Variants in STAB2 observed in about 807,000 individuals in gnomAD.
The protein encoded by STAB2 is stabilin-2.
A neutral mutation model predicts 338.1 loss-of-function variants in STAB2; 288 were observed. The observed-to-expected ratio is 0.85, with a 90% CI of 0.77 to 0.94. The LOEUF is 0.94. Among genes scored for constraint, STAB2 ranks in the 40% least tolerant of loss-of-function variants. The pLI, the probability that STAB2 is intolerant of heterozygous loss-of-function variation, is 0.00. For missense variants in STAB2, 3,141 were observed against 3,210.1 expected, an observed-to-expected ratio of 0.98 and a Z score of 0.52; for synonymous variants, 1,202 against 1,193.3, an observed-to-expected ratio of 1.01 and a Z score of -0.15.
At chr12:103,592,130 T>C (rs1284948953) in intron 2 of STAB2, 1 of 152,136 alleles carries the variant, frequency 6.6e-6, no homozygotes, top group Non-Finnish European at 1.5e-5. Context: ...TGGGATAACT[T>C]TTACCTGTTC....
intron 2 of STAB2, among the ~76,000 whole-genome samples, chr12:103,593,223 A>G (rs1956826800): frequency 6.6e-6 from 1 of 152,116 alleles, no homozygotes; most frequent in Non-Finnish European, 1.5e-5. Flanking sequence ...TTTATTTTTA[A>G]TTTTTGAAGG....
intron 55 of STAB2, 71 bp from the exon 56 acceptor site, chr12:103,742,334 A>G: frequency 2.6e-6 from 4 of 1,562,672 alleles, no homozygotes; most frequent in Non-Finnish European, 3.5e-6. Context: ...ATGCCACAGC[A>G]CATTTACAAA....
chr12:103,685,459 T>TGTGTGTGTGTGC (rs746468070), intron 27 of STAB2, among the ~76,000 whole-genome samples: 165 of 135,660 alleles, frequency 1.2e-3, no homozygotes, highest in Middle Eastern at 3.8e-3. Context: ...TGTGTGCGCG[T>TGTGTGTGTGTGC]GCGTGTGTGT....
intron 9 of STAB2, among the ~76,000 whole-genome samples, chr12:103,642,193 C>T (rs940818569): frequency 6.6e-6 from 1 of 152,174 alleles, no homozygotes; most frequent in Non-Finnish European, 1.5e-5. Flanking sequence ...TGCTTTTAAA[C>T]GCTAAGCTCC....
At chr12:103,694,475 T>C (rs898624636) in intron 31 of STAB2, among the ~76,000 whole-genome samples, 2 of 152,196 alleles carry the variant, frequency 1.3e-5, no homozygotes, top group African/African-American at 4.8e-5. Flanking sequence ...ATTATTAGAC[T>C]TTGCAGGTCA....
intron 18 of STAB2, 80 bp downstream of exon 18, chr12:103,663,078 A>G: frequency 6.5e-7 from 1 of 1,532,564 alleles, no homozygotes; most frequent in Non-Finnish European, 8.8e-7. Context: ...CAATTCTGAG[A>G]AAGGTGTCAA....
At chr12:103,705,022 T>C (rs1879219022) in intron 36 of STAB2, 2 of 162,846 alleles carry the variant, frequency 1.2e-5, no homozygotes, top group African/African-American at 4.8e-5. Context: ...AAGAAACAGA[T>C]GGCAGGTACG....
At chr12:103,748,843 A>C (rs906572652) in intron 58 of STAB2, 120 bp from the exon 59 acceptor site, 32 of 1,043,130 alleles carry the variant, frequency 3.1e-5, no homozygotes, top group Non-Finnish European at 3.7e-5. Flanking sequence ...AGAAGCACGA[A>C]CACGCAGGGG....
At position 103,695,609 on chromosome 12, in the gene STAB2, A is replaced by G. The variant is rs755683992; in HGVS notation, c.3435A>G (p.Glu1145=). Residue 1145 remains glutamate, a synonymous_variant, in exon 32 of 69, where the codon GAA becomes GAG. Coordinates refer to ENST00000388887, the MANE Select transcript of STAB2 (RefSeq NM_017564.10). ...GSLPNLLMRL[E]QMPDYSIFRG... is the part of the protein sequence containing the mutation. ...TACCAAACCTGCTCATGCGGCTGGAACAGATGCCTGACTATTCCATCTTCC... is the reference window on the plus strand; with the variant it reads ...TACCAAACCTGCTCATGCGGCTGGAGCAGATGCCTGACTATTCCATCTTCC... The G allele has an allele frequency of 6.2e-7, 1 of 1,614,104 alleles. No individual in the cohort carries two copies. The highest frequency in any genetic ancestry group is 1.7e-5 in the Admixed American group (1 of 60,010).
chr12:103,592,963 T>C (rs186342554), intron 2 of STAB2, among the ~76,000 whole-genome samples: 228 of 152,294 alleles, frequency 1.5e-3, no homozygotes, highest in African/African-American at 5.2e-3. Flanking sequence ...TGATATCCTC[T>C]AGGTTCATCC....
chr12:103,642,969 TTG>T (rs1472061572), intron 9 of STAB2, among the ~76,000 whole-genome samples: 1 of 152,228 alleles, frequency 6.6e-6, no homozygotes, highest in Non-Finnish European at 1.5e-5. Flanking sequence ...ATTATTTGTC[TTG>T]GTCTGTTTGG....
chr12:103,641,945 A>G (rs1207481740), intron 9 of STAB2, among the ~76,000 whole-genome samples: 1 of 152,182 alleles, frequency 6.6e-6, no homozygotes, highest in Non-Finnish European at 1.5e-5. Flanking sequence ...AATTTATTTC[A>G]TTTATGCCTT....
At chr12:103,721,579 C>T (rs1860682183) in intron 44 of STAB2, among the ~76,000 whole-genome samples, 1 of 152,224 alleles carries the variant, frequency 6.6e-6, no homozygotes, top group Non-Finnish European at 1.5e-5. Flanking sequence ...GCTGTGATGA[C>T]TATGCAGGAT....
intron 18 of STAB2, among the ~76,000 whole-genome samples, chr12:103,663,431 G>A (rs1050150921): frequency 3.3e-5 from 5 of 152,078 alleles, no homozygotes; most frequent in Admixed American, 2.0e-4. Flanking sequence ...TTGGCATTCC[G>A]TGGCTTGTAG....
intron 45 of STAB2, 32 bp from the exon 46 acceptor site, chr12:103,726,084 A>C: frequency 6.2e-7 from 1 of 1,611,374 alleles, no homozygotes; most frequent in Non-Finnish European, 8.5e-7. Context: ...TATATTTCAC[A>C]GGCATTAAGT....
chr12:103,690,596 A>G, intron 30 of STAB2, 58 bp downstream of exon 30: 1 of 1,478,172 alleles, frequency 6.8e-7, no homozygotes, highest in South Asian at 1.2e-5. Context: ...TTTATATTGT[A>G]CTTTTTAAAT....
chr12:103,685,166 T>C (rs188167668), intron 27 of STAB2, 82 bp downstream of exon 27: 1 of 1,268,388 alleles, frequency 7.9e-7, no homozygotes, highest in African/African-American at 1.5e-5. Flanking sequence ...AAGTGATCTA[T>C]TGACATATCT....
intron 11 of STAB2, 130 bp downstream of exon 11, chr12:103,650,708 T>G: frequency 1.5e-6 from 1 of 656,434 alleles, no homozygotes; most frequent in Non-Finnish European, 2.6e-6. Context: ...GGTGATTTTT[T>G]GATAAACTTC....
rs528445042 is a variant in STAB2 at position 103,753,373 on chromosome 12, A to T, written c.6714+20A>T. 4.8e-5 allele frequency: 77 copies of T among 1,614,098 alleles called. No individual in the cohort carries two copies. In the South Asian group the frequency reaches 8.3e-4, roughly 17 times the overall value. On this transcript the variant is annotated intron_variant, in intron 61 of 68. Coordinates refer to ENST00000388887, the MANE Select transcript of STAB2 (RefSeq NM_017564.10). ...CAGAAGGTGGGTCTTCAGTTAGCAGATTCTGTGCAGACAGAGTCTGCAGGG... is the reference window on the plus strand; with the variant it reads ...CAGAAGGTGGGTCTTCAGTTAGCAGTTTCTGTGCAGACAGAGTCTGCAGGG...
Sources: gnomAD v4.1 joint callset for allele counts (sites outside exome capture counted in the v4.1 genomes callset) on GRCh38, gnomAD v4.1.1 for gene constraint, MANE v1.5 for transcripts, NCBI Gene and HGNC (gene_info 2026-07-23, HGNC 2026-07-21) for gene names.